The following ITPKB variants were observed in gnomAD, a reference collection of about 807,000 sequenced individuals.
The protein encoded by ITPKB is inositol-trisphosphate 3-kinase B, also known as IP3 3-kinase B.
ITPKB carries 13 observed loss-of-function variants against 69.4 expected under a neutral mutation model. That is an observed-to-expected ratio of 0.19 (90% CI 0.12 to 0.30). The LOEUF is 0.30. ITPKB is among the 10% of genes least tolerant of loss of function. ITPKB has a pLI of 1.00. For synonymous variants in ITPKB, 584 were observed against 513.7 expected (o/e 1.14, Z -1.85); for missense variants, 1,240 against 1,250.5 (o/e 0.99, Z 0.13).
At chr1:226,714,590 G>A (rs1170504713) in intron 2 of ITPKB, among the ~76,000 whole-genome samples, 1 of 152,206 alleles carries the variant, frequency 6.6e-6, no homozygotes, top group Non-Finnish European at 1.5e-5. Flanking sequence ...TCCTCCTGCT[G>A]CCATGCTTTT....
chr1:226,737,489 G>T lies in ITPKB; in HGVS notation c.-31C>A. ...TGGGTCCCGCGCTGCCCGCCGCCGC[G>T]GCTCCCGCTCCTGCTCCGCCGCCGG... On this transcript the variant is annotated 5_prime_UTR_variant, in exon 2 of 8. Coordinates refer to ENST00000429204, the MANE Select transcript of ITPKB (RefSeq NM_002221.4). 1 of 1,530,804 alleles carries T rather than the reference G, an allele frequency of 6.5e-7. No homozygotes were observed. Among genetic ancestry groups the T allele is most frequent in the Middle Eastern group, 2.2e-4 (1 of 4,588 alleles). 94.8% of individuals were successfully genotyped at this position (1,530,804 alleles called of 1,614,324 possible). A position where few individuals can be genotyped will look rare whatever the true frequency, so the allele number is the denominator to read the frequency against.
At chr1:226,712,215 T>G (rs1446171935) in intron 2 of ITPKB, among the ~76,000 whole-genome samples, 1 of 152,210 alleles carries the variant, frequency 6.6e-6, no homozygotes, top group Non-Finnish European at 1.5e-5. Context: ...CAGGGCTCAC[T>G]GCGAGGCAAC....
intron 2 of ITPKB, among the ~76,000 whole-genome samples, chr1:226,683,500 A>G (rs1028879982): frequency 2.0e-5 from 3 of 152,140 alleles, no homozygotes; most frequent in African/African-American, 7.2e-5. Flanking sequence ...GAACCCATGT[A>G]TATGTACCAA....
At chr1:226,711,403 GAA>G (rs1193648917) in intron 2 of ITPKB, among the ~76,000 whole-genome samples, 6 of 92,474 alleles carry the variant, frequency 6.5e-5, no homozygotes, top group South Asian at 7.5e-4. Flanking sequence ...AGGGTGTTTT[GAA>G]AGAGAGAGAG....
At chr1:226,665,188 A>G (rs2102760821) in intron 2 of ITPKB, among the ~76,000 whole-genome samples, 1 of 152,324 alleles carries the variant, frequency 6.6e-6, no homozygotes, top group African/African-American at 2.4e-5. Context: ...AGCAGCAGCC[A>G]CTTAAGATGG....
chr1:226,685,382 C>T (rs1656183845), intron 2 of ITPKB, among the ~76,000 whole-genome samples: 1 of 152,200 alleles, frequency 6.6e-6, no homozygotes, highest in African/African-American at 2.4e-5. Context: ...TTCCCGGTCC[C>T]GCCACATTCT....
At chr1:226,666,660 C>T (rs184931616) in intron 2 of ITPKB, among the ~76,000 whole-genome samples, 1 of 152,316 alleles carries the variant, frequency 6.6e-6, no homozygotes, top group African/African-American at 2.4e-5. Context: ...ACTCTCCCTA[C>T]GGCTAGCACC....
chr1:226,736,484 C>T lies in ITPKB; in HGVS notation c.975G>A (p.Glu325=). ...CAAGCTCACGGGCTCTCCCAGACGG[C>T]TCAGTGAGGGCAAGATCCTGTGGAC... The part of the protein sequence containing the change: ...PHRPQDLALT[E]PSGRARELED... The change falls in exon 2 of 8, where the codon GAG becomes GAA. Residue 325 remains glutamate, a synonymous_variant. Coordinates refer to ENST00000429204, the MANE Select transcript of ITPKB (RefSeq NM_002221.4). The T allele has an allele frequency of 6.2e-7, 1 of 1,613,956 alleles. No individual in the cohort carries two copies. The highest frequency in any genetic ancestry group is 8.5e-7 in the Non-Finnish European group (1 of 1,180,042).
At position 226,634,372 on chromosome 1, in the gene ITPKB, C is replaced by A; in HGVS notation, c.*299G>T. 1 of 380,530 alleles carries A rather than the reference C, an allele frequency of 2.6e-6. No homozygotes were observed. Among genetic ancestry groups the A allele is most frequent in the Non-Finnish European group, 4.8e-6 (1 of 207,148 alleles). The allele number at this position is 380,530 out of a possible 1,614,324, so 23.6% of individuals were successfully genotyped here. On this transcript the variant is annotated 3_prime_UTR_variant, in exon 8 of 8. Transcript: ENST00000429204. This position sits in a 1 kb window ranked among gnomAD's most constrained non-coding sequence, Gnocchi z 6.3. Reference sequence around the variant, plus strand: ...GGGGGCTCCCAGAGGCAGGGCTCATCTGGTAGGGTCCCCTCAGCAGCCAGG... The same window carrying A: ...GGGGGCTCCCAGAGGCAGGGCTCATATGGTAGGGTCCCCTCAGCAGCCAGG...
At chr1:226,658,099 C>G (rs1669330644) in intron 2 of ITPKB, among the ~76,000 whole-genome samples, 2 of 152,232 alleles carry the variant, frequency 1.3e-5, no homozygotes, top group African/African-American at 2.4e-5. Context: ...TTGCAAAAGT[C>G]TGAGTGAGAG....
chr1:226,671,615 C>T (rs747098613), intron 2 of ITPKB, among the ~76,000 whole-genome samples: 2 of 152,194 alleles, frequency 1.3e-5, no homozygotes, highest in Non-Finnish European at 2.9e-5. Flanking sequence ...CAGCTATGAG[C>T]ATCCTGAAGA....
intron 4 of ITPKB, among the ~76,000 whole-genome samples, chr1:226,644,923 C>T (rs916765820): frequency 6.6e-6 from 1 of 152,234 alleles, no homozygotes; most frequent in South Asian, 2.1e-4. Flanking sequence ...TGGAACTAGC[C>T]TGGCACCCCA....
intron 2 of ITPKB, among the ~76,000 whole-genome samples, chr1:226,687,538 G>A (rs923597612): frequency 7.2e-5 from 11 of 152,272 alleles, no homozygotes; most frequent in South Asian, 4.1e-4. Context: ...GAGACCAAGG[G>A]TGCTGCCCGC....
chr1:226,640,298 A>C (rs1668932236), intron 5 of ITPKB, among the ~76,000 whole-genome samples: 1 of 152,104 alleles, frequency 6.6e-6, no homozygotes, highest in African/African-American at 2.4e-5. Flanking sequence ...TTGCTGACCT[A>C]TGAGGAAATC....
chr1:226,658,297 C>A (rs919273117), intron 2 of ITPKB, among the ~76,000 whole-genome samples: 1 of 152,238 alleles, frequency 6.6e-6, no homozygotes, highest in Non-Finnish European at 1.5e-5. Context: ...CCTGGCAGGG[C>A]CCAGCTGGGT....
intron 2 of ITPKB, among the ~76,000 whole-genome samples, chr1:226,679,758 T>C (rs10495248): frequency 0.19 from 28,448 of 152,228 alleles, 2,677 homozygotes; most frequent in Middle Eastern, 0.32. Flanking sequence ...TCTGTATTTA[T>C]CCAATGATCT....
At chr1:226,714,127 T>C (rs1417139706) in intron 2 of ITPKB, among the ~76,000 whole-genome samples, 1 of 152,220 alleles carries the variant, frequency 6.6e-6, no homozygotes, top group African/African-American at 2.4e-5. Flanking sequence ...ATATTTCTAG[T>C]TCTCCTGGGC....
At position 226,634,352 on chromosome 1, in the gene ITPKB, C is replaced by A. The variant is rs991319437; in HGVS notation, c.*319G>T. ...GTCCAGGCTGGTGCTTCCTAGGGGG[C>A]TCCCAGAGGCAGGGCTCATCTGGTA... On this transcript the variant is annotated 3_prime_UTR_variant, in exon 8 of 8. Transcript: ENST00000429204. The surrounding 1 kb of genome is among the most constrained non-coding windows in gnomAD (Gnocchi z 6.3). The A allele has an allele frequency of 3.0e-6, 1 of 328,112 alleles. No homozygotes were observed. Among genetic ancestry groups the A allele is most frequent in the Non-Finnish European group, 5.7e-6 (1 of 175,784 alleles). The allele number at this position is 328,112 out of a possible 1,614,324, so 20.3% of individuals were successfully genotyped here. A position where few individuals can be genotyped will look rare whatever the true frequency, so the allele number is the denominator to read the frequency against.
chr1:226,659,222 C>T (rs902566912), intron 2 of ITPKB, among the ~76,000 whole-genome samples: 2 of 152,152 alleles, frequency 1.3e-5, no homozygotes, highest in Admixed American at 1.3e-4. Context: ...CACCCAGGGG[C>T]CCTCCATCAT....
Sources: allele counts gnomAD v4.1 joint callset (sites outside exome capture counted in the v4.1 genomes callset), GRCh38; gene constraint gnomAD v4.1.1; non-coding constraint Gnocchi (gnomAD v3.1); transcripts MANE v1.5; gene names NCBI Gene and HGNC (gene_info 2026-07-23, HGNC 2026-07-21).